ZFPM1: variants seen among roughly 807,000 people sequenced by gnomAD.
ZFPM1 encodes zinc finger protein ZFPM1.
A neutral mutation model predicts 46.3 loss-of-function variants in ZFPM1; 28 were observed. The ratio of observed to expected loss-of-function variants is 0.60; its 90% CI spans 0.45 to 0.83. The LOEUF is 0.83. Ranked by LOEUF, ZFPM1 falls within the 40% of genes least tolerant of loss-of-function variation. The pLI is 0.00. For synonymous variants in ZFPM1, 957 were observed against 675.9 expected (o/e 1.42, Z -6.45); for missense variants, 1,878 against 1,432.4 (o/e 1.31, Z -5.02).
At chr16:88,456,279 C>T (rs1221074810) in intron 1 of ZFPM1, among the ~76,000 whole-genome samples, 1 of 152,194 alleles carries the variant, frequency 6.6e-6, no homozygotes, top group East Asian at 1.9e-4. Flanking sequence ...GGTGCGAGAC[C>T]GCTAGAGGTG....
At position 88,533,373 on chromosome 16, in the gene ZFPM1, C is replaced by G; in HGVS notation, c.1415C>G (p.Ala472Gly). 6.5e-7 allele frequency: 1 copy of G among 1,528,590 alleles called. No homozygotes were observed. Among genetic ancestry groups the G allele is most frequent in the Non-Finnish European group, 8.7e-7 (1 of 1,143,460 alleles). The allele number at this position is 1,528,590 out of a possible 1,614,324, so 94.7% of individuals were successfully genotyped here. A position where few individuals can be genotyped will look rare whatever the true frequency, so the allele number is the denominator to read the frequency against. ...IKVEAVEEPEAAPILGPGEPG... is the reference protein window; with the variant it reads ...IKVEAVEEPEGAPILGPGEPG... ...GTGGAGGCGGTGGAGGAGCCGGAGG[C>G]GGCCCCCATCCTGGGCCCCGGAGAG... is the stretch of plus-strand genomic sequence containing the variant. Residue 472 changes from alanine to glycine, a missense_variant, in exon 10 of 10, where the codon GCG becomes GGG. By Grantham distance (60) the Ala-to-Gly change is moderately conservative (BLOSUM62 0). Transcript: ENST00000319555.
At chr16:88,523,496 C>T (rs1054027015) in intron 4 of ZFPM1, among the ~76,000 whole-genome samples, 7 of 152,094 alleles carry the variant, frequency 4.6e-5, no homozygotes, top group South Asian at 2.1e-4. Flanking sequence ...TTCAGGGGTC[C>T]GGCCACTTGG....
rs1913227579 is a variant in ZFPM1 at position 88,535,877 on chromosome 16, G to GT, written c.*899dup. On this transcript the variant is annotated 3_prime_UTR_variant, in exon 10 of 10. Coordinates refer to ENST00000319555, the MANE Select transcript of ZFPM1 (RefSeq NM_153813.3). The stretch of plus-strand genomic sequence containing the variant: ...GACCGCGTTCAGCCACGGTGTCACC[G>GT]TGCCGTTTGCAGCTGGGTGGCTGTG... 1 of 147,030 alleles carries GT rather than the reference G, an allele frequency of 6.8e-6. No homozygotes were observed. Among genetic ancestry groups the GT allele is most frequent in the Non-Finnish European group, 1.5e-5 (1 of 66,290 alleles). 9.1% of individuals were successfully genotyped at this position (147,030 alleles called of 1,614,324 possible).
intron 3 of ZFPM1, among the ~76,000 whole-genome samples, chr16:88,507,204 C>T (rs1910710815): frequency 6.6e-6 from 1 of 152,164 alleles, no homozygotes. Flanking sequence ...GGCTGTGTAA[C>T]CTCCGACGTG....
At chr16:88,500,488 C>T (rs192344801) in intron 3 of ZFPM1, among the ~76,000 whole-genome samples, 111 of 152,396 alleles carry the variant, frequency 7.3e-4, no homozygotes, top group African/African-American at 2.6e-3. Flanking sequence ...GTGACTGTCA[C>T]TAGCACAGAA....
Position 88,526,801 on chromosome 16 carries a change from C to A in ZFPM1, c.403-13C>A. On this transcript the variant is annotated splice_polypyrimidine_tract_variant and intron_variant, in intron 4 of 9. Transcript: ENST00000319555. ...CGGACCCCTCCCCACGTGTTCCTAC[C>A]CTCCCCCCCCAGAGCCCAGCCCTGA... The A allele has an allele frequency of 2.6e-6, 3 of 1,160,144 alleles. No homozygotes were observed. Among genetic ancestry groups the A allele is most frequent in the South Asian group, 1.9e-5 (1 of 52,934 alleles). 71.9% of individuals were successfully genotyped at this position (1,160,144 alleles called of 1,614,324 possible). A position where few individuals can be genotyped will look rare whatever the true frequency, so the allele number is the denominator to read the frequency against.
chr16:88,488,885 T>C, intron 2 of ZFPM1, 146 bp from the exon 3 acceptor site: 1 of 1,249,660 alleles, frequency 8.0e-7, no homozygotes, highest in Non-Finnish European at 1.1e-6. Flanking sequence ...CCCACCCCAG[T>C]GAGAGCGCAC....
intron 4 of ZFPM1, among the ~76,000 whole-genome samples, chr16:88,520,896 T>TGTGG (rs1404482329): frequency 4.1e-5 from 1 of 24,642 alleles, no homozygotes; most frequent in African/African-American, 1.7e-4. Flanking sequence ...AGGGAGGGAG[T>TGTGG]GTGGGTGGAT....
intron 3 of ZFPM1, among the ~76,000 whole-genome samples, chr16:88,490,875 G>A (rs2142380769): frequency 6.6e-6 from 1 of 152,314 alleles, no homozygotes; most frequent in African/African-American, 2.4e-5. Flanking sequence ...GATGTGACTT[G>A]CCCACCTGGG....
chr16:88,472,132 G>A (rs1908452975), intron 1 of ZFPM1, among the ~76,000 whole-genome samples: 1 of 152,198 alleles, frequency 6.6e-6, no homozygotes, highest in Non-Finnish European at 1.5e-5. Flanking sequence ...TCGTGGAGGG[G>A]GCGCAGGGCT....
rs138729883 is a variant in ZFPM1, at chr16:88,473,479, C to T, written c.41-12460C>T. Among the ~76,000 whole-genome samples, 262 of 152,234 alleles carry T rather than the reference C, an allele frequency of 1.7e-3. 1 individual carries two copies. The highest frequency in any genetic ancestry group is 6.1e-3 in the African/African-American group (252 of 41,574). ...GAGGGCCGCAGGGCGGGAGGAGGGT[C>T]GGCTGCTAGGGAGGGCCATGACGGC... On this transcript the variant is annotated intron_variant, in intron 1 of 9. Coordinates refer to ENST00000319555, the MANE Select transcript of ZFPM1 (RefSeq NM_153813.3).
intron 3 of ZFPM1, among the ~76,000 whole-genome samples, chr16:88,511,185 G>A (rs1910940899): frequency 6.6e-6 from 1 of 152,192 alleles, no homozygotes; most frequent in Admixed American, 6.5e-5. Context: ...CGGTGCCGGT[G>A]GGGGTGTCTG....
At chr16:88,502,154 G>A (rs944157557) in intron 3 of ZFPM1, among the ~76,000 whole-genome samples, 16 of 146,208 alleles carry the variant, frequency 1.1e-4, no homozygotes, top group African/African-American at 1.8e-4. Flanking sequence ...TCCTCACTGC[G>A]CTTTTCCATT....
intron 1 of ZFPM1, among the ~76,000 whole-genome samples, chr16:88,466,287 G>A (rs1475567286): frequency 6.6e-6 from 1 of 152,192 alleles, no homozygotes; most frequent in East Asian, 1.9e-4. Context: ...GTTCTGGCAT[G>A]GAGTACTCTG....
At chr16:88,495,644 A>T (rs1204933915) in intron 3 of ZFPM1, among the ~76,000 whole-genome samples, 1 of 152,170 alleles carries the variant, frequency 6.6e-6, no homozygotes, top group Non-Finnish European at 1.5e-5. Context: ...CAAGGGTGCC[A>T]TGCTAGGCGG....
Position 88,532,157 on chromosome 16 carries a change from C to T in ZFPM1, c.868C>T (p.Arg290Cys), listed in dbSNP as rs768527783. 8 of 1,612,528 alleles carry T rather than the reference C, an allele frequency of 5.0e-6. No homozygotes were observed. The highest frequency in any genetic ancestry group is 4.4e-5 in the South Asian group (4 of 91,052). ...EKPKETYPNE[R>C]VCPFPQCRKS... ...GCCCAAAGAGACCTACCCCAACGAGCGCGTCTGCCCCTTCCCCCAGTGCCG... is the reference window on the plus strand; with the variant it reads ...GCCCAAAGAGACCTACCCCAACGAGTGCGTCTGCCCCTTCCCCCAGTGCCG... Residue 290 changes from arginine to cysteine, a missense_variant, in exon 7 of 10, where the codon CGC becomes TGC. Transcript: ENST00000319555.
chr16:88,453,258 C>T (rs1267366232), upstream of ZFPM1: 1 of 146,916 alleles, frequency 6.8e-6, no homozygotes, highest in African/African-American at 2.4e-5. Flanking sequence ...GACGCTCAGG[C>T]CCGGCCCCGC....
chr16:88,504,986 C>G (rs1173088850), intron 3 of ZFPM1, among the ~76,000 whole-genome samples: 1 of 152,238 alleles, frequency 6.6e-6, no homozygotes. Context: ...GCGGTCCCAG[C>G]TCTGCCATTA....
chr16:88,492,052 C>T (rs550035020), intron 3 of ZFPM1, among the ~76,000 whole-genome samples: 2 of 152,128 alleles, frequency 1.3e-5, no homozygotes, highest in Non-Finnish European at 2.9e-5. Context: ...GTCTCCAGAC[C>T]CTCTCTCTGA....
Sources: allele counts gnomAD v4.1 joint callset (sites outside exome capture counted in the v4.1 genomes callset), GRCh38; gene constraint gnomAD v4.1.1; transcripts MANE v1.5; gene names NCBI Gene and HGNC (gene_info 2026-07-23, HGNC 2026-07-21).